DZIP3: variants seen among roughly 807,000 people sequenced by gnomAD.
DZIP3 encodes the protein DAZ interacting zinc finger protein 3.
A neutral mutation model predicts 162.0 loss-of-function variants in DZIP3; 118 were observed. The ratio of observed to expected loss-of-function variants is 0.73; its 90% CI spans 0.63 to 0.85. The LOEUF (loss-of-function observed/expected upper bound fraction) is 0.85. Ranked by LOEUF, DZIP3 falls within the 40% of genes least tolerant of loss-of-function variation. The pLI, the probability that DZIP3 is intolerant of heterozygous loss-of-function variation, is 0.00. For missense variants in DZIP3, 1,331 were observed against 1,407.0 expected (o/e 0.95, Z 0.86); for synonymous variants, 438 against 458.6 (o/e 0.96, Z 0.57).
intron 5 of DZIP3, 41 bp from the exon 6 acceptor site, chr3:108,624,403 C>T: frequency 9.0e-7 from 1 of 1,112,338 alleles, no homozygotes; most frequent in Non-Finnish European, 1.4e-6. Flanking sequence ...TGAAAAGTAG[C>T]TTAGTCTAAA....
chr3:108,677,502 G>A lies in DZIP3; in HGVS notation c.2787G>A (p.Gln929=). The change falls in exon 26 of 33, where the codon CAG becomes CAA. Residue 929 remains glutamine, a synonymous_variant. Transcript: ENST00000361582. Reference sequence around the variant, plus strand: ...TTTTAGTCTTCTTCTACCAGACACAGTACAATGAACAAATAAACAAAGTCA... The same window carrying A: ...TTTTAGTCTTCTTCTACCAGACACAATACAATGAACAAATAAACAAAGTCA... The part of the protein sequence containing the change: ...VRNKIAFLRT[Q]YNEQINKVKQ... The A allele has an allele frequency of 6.2e-7, 1 of 1,612,260 alleles. No homozygotes were observed. Among genetic ancestry groups the A allele is most frequent in the East Asian group, 2.2e-5 (1 of 44,798 alleles).
Position 108,653,082 on chromosome 3 carries a change from C to G in DZIP3, c.2034-1063C>G, listed in dbSNP as rs556550303. Among the ~76,000 whole-genome samples, 14 of 151,894 alleles carry G rather than the reference C, an allele frequency of 9.2e-5. No homozygotes were observed. In the South Asian group the frequency reaches 2.9e-3, roughly 32 times the overall value. ...TTACAGTTGTAGGGGTGCCTAGAAA[C>G]ATTTAATTTTTAAAAGCTCTTCAGG... is the stretch of plus-strand genomic sequence containing the variant. On this transcript the variant is annotated intron_variant, in intron 18 of 32. Coordinates refer to ENST00000361582, the MANE Select transcript of DZIP3 (RefSeq NM_014648.4).
In DZIP3 at chr3:108,636,859, A is replaced by G. The variant is rs1942172529; in HGVS notation, c.1011+151A>G. 13 of 564,670 alleles carry G rather than the reference A, an allele frequency of 2.3e-5. No individual in the cohort carries two copies. In the East Asian group the frequency reaches 4.1e-4, roughly 18 times the overall value. 35.0% of individuals were successfully genotyped at this position (564,670 alleles called of 1,614,324 possible). A position where few individuals can be genotyped will look rare whatever the true frequency, so the allele number is the denominator to read the frequency against. ...TGAGCTCTTGAACCTTTTTATTACC[A>G]TGATTTATACAAAGTAATGTTTAAG... is the stretch of plus-strand genomic sequence containing the variant. On this transcript the variant is annotated intron_variant, in intron 11 of 32. Transcript: ENST00000361582.
chr3:108,681,730 C>CTACAATGGATAGTCCAGTCTAT (rs1559783214), intron 26 of DZIP3, among the ~76,000 whole-genome samples: 1 of 151,358 alleles, frequency 6.6e-6, no homozygotes, highest in African/African-American at 2.5e-5. Context: ...CAAATATACA[C>CTACAATGGATAGTCCAGTCTAT]CATGGAATAC....
chr3:108,666,490 G>C (rs1282643928), intron 21 of DZIP3, among the ~76,000 whole-genome samples: 2 of 152,026 alleles, frequency 1.3e-5, no homozygotes, highest in Non-Finnish European at 2.9e-5. Context: ...CTACTAAACA[G>C]AAAATCAGCA....
chr3:108,619,259 T>C (rs1490183810), intron 5 of DZIP3, among the ~76,000 whole-genome samples: 2 of 151,738 alleles, frequency 1.3e-5, no homozygotes, highest in Admixed American at 6.6e-5. Flanking sequence ...GAAACCAGAC[T>C]GGTTTTTGCT....
intron 1 of DZIP3, among the ~76,000 whole-genome samples, chr3:108,595,194 T>A (rs1417298251): frequency 6.6e-6 from 1 of 152,188 alleles, no homozygotes; most frequent in Non-Finnish European, 1.5e-5. Context: ...ATAAAATTTC[T>A]CTTTGTGATT....
intron 1 of DZIP3, 129 bp from the exon 2 acceptor site, chr3:108,605,206 C>T (rs903890341): frequency 2.9e-5 from 19 of 658,980 alleles, no homozygotes; most frequent in Non-Finnish European, 4.3e-5. Flanking sequence ...GTTTGGGTGG[C>T]GAAACTATGA....
rs556550303 is a variant in DZIP3, at chr3:108,653,082, C to T, written c.2034-1063C>T. Among the ~76,000 whole-genome samples, 3 of 151,894 alleles carry T rather than the reference C, an allele frequency of 2.0e-5. No individual in the cohort carries two copies. The East Asian group carries it at 5.8e-4, about 29-fold the overall frequency. On this transcript the variant is annotated intron_variant, in intron 18 of 32. Transcript: ENST00000361582. ...TTACAGTTGTAGGGGTGCCTAGAAA[C>T]ATTTAATTTTTAAAAGCTCTTCAGG...
chr3:108,641,313 T>G (rs887625051), intron 12 of DZIP3, among the ~76,000 whole-genome samples: 2 of 152,184 alleles, frequency 1.3e-5, no homozygotes, highest in African/African-American at 4.8e-5. Context: ...TTGAACATTA[T>G]ATATGGAAAC....
At chr3:108,594,580 C>G (rs78088995) in intron 1 of DZIP3, among the ~76,000 whole-genome samples, 306 of 151,982 alleles carry the variant, frequency 2.0e-3, no homozygotes, top group African/African-American at 7.1e-3. Flanking sequence ...TTTTCCTAAT[C>G]CTCTTCCTCC....
intron 19 of DZIP3, among the ~76,000 whole-genome samples, chr3:108,657,799 A>G (rs1943206264): frequency 6.6e-6 from 1 of 152,340 alleles, no homozygotes; most frequent in East Asian, 1.9e-4. Context: ...AGGAAGATCT[A>G]CCAAGCAAAT....
chr3:108,657,686 C>G (rs1675465152), intron 19 of DZIP3, among the ~76,000 whole-genome samples: 2 of 152,134 alleles, frequency 1.3e-5, no homozygotes, highest in Non-Finnish European at 2.9e-5. Context: ...TTAAAAGACA[C>G]AGAGTGGCAA....
At chr3:108,669,310 A>C (rs1943825486) in intron 21 of DZIP3, among the ~76,000 whole-genome samples, 1 of 151,974 alleles carries the variant, frequency 6.6e-6, no homozygotes, top group African/African-American at 2.4e-5. Flanking sequence ...TAAAGTTCTC[A>C]ATCTCACAAC....
At chr3:108,621,693 G>A (rs1941354666) in intron 5 of DZIP3, among the ~76,000 whole-genome samples, 2 of 152,172 alleles carry the variant, frequency 1.3e-5, no homozygotes, top group African/African-American at 2.4e-5. Flanking sequence ...ATGGCAAGCA[G>A]TTTGGAGGTT....
chr3:108,670,002 C>A (rs1415518597), intron 22 of DZIP3, among the ~76,000 whole-genome samples: 1 of 151,784 alleles, frequency 6.6e-6, no homozygotes, highest in Non-Finnish European at 1.5e-5. Context: ...AGTTACAGTC[C>A]CAGAGCAAAC....
At chr3:108,674,751 G>A (rs967689829) in intron 24 of DZIP3, among the ~76,000 whole-genome samples, 5 of 151,830 alleles carry the variant, frequency 3.3e-5, no homozygotes, top group African/African-American at 1.2e-4. Flanking sequence ...TGAACAGGTT[G>A]CATGAAATTC....
At position 108,688,918 on chromosome 3, in the gene DZIP3, T is replaced by C; in HGVS notation, c.3510T>C (p.His1170=). Residue 1170 remains histidine (H), a synonymous_variant, in exon 31 of 33, where the codon CAT becomes CAC. Transcript: ENST00000361582. ...LSVLPCAHKF[H]AQCIRPWLMQ... is the part of the protein sequence containing the mutation. ...TTTTGCCTTGCGCTCACAAATTCCA[T>C]GCTCAGGTAACACTTTAAATTTTCC... 5 of 1,614,092 alleles carry C rather than the reference T, an allele frequency of 3.1e-6. No homozygotes were observed. The highest frequency in any genetic ancestry group is 2.5e-6 in the Non-Finnish European group (3 of 1,179,942).
At position 108,634,542 on chromosome 3, in the gene DZIP3, A is replaced by T. The variant is rs1007054431; in HGVS notation, c.817-329A>T. Among the ~76,000 whole-genome samples, 4 of 152,216 alleles carry T rather than the reference A, an allele frequency of 2.6e-5. No homozygotes were observed. In the South Asian group the frequency reaches 6.2e-4, roughly 24 times the overall value. Reference sequence around the variant, plus strand: ...TGGGGATGGAGGAAAAGAGAAATGTAAAAATGGAGATGAAGATGGGTAGGT... The same window carrying T: ...TGGGGATGGAGGAAAAGAGAAATGTTAAAATGGAGATGAAGATGGGTAGGT... On this transcript the variant is annotated intron_variant, in intron 9 of 32. Transcript: ENST00000361582.
Sources: gnomAD v4.1 joint callset for allele counts (sites outside exome capture counted in the v4.1 genomes callset) on GRCh38, gnomAD v4.1.1 for gene constraint, MANE v1.5 for transcripts, NCBI Gene and HGNC (gene_info 2026-07-23, HGNC 2026-07-21) for gene names.